The following LEKR1 variants were observed in gnomAD, a reference collection of about 807,000 sequenced individuals.
The protein encoded by LEKR1 is leucine, glutamate and lysine rich 1.
LEKR1 carries 59 observed loss-of-function variants against 72.4 expected under a neutral mutation model. The observed-to-expected ratio is 0.82, with a 90% CI of 0.66 to 1.01. The LOEUF is 1.01. LEKR1 is among the 50% of genes least tolerant of loss of function. The pLI, the probability that LEKR1 is intolerant of heterozygous loss-of-function variation, is 0.00. For synonymous variants in LEKR1, 257 were observed against 263.2 expected (o/e 0.98, Z 0.23); for missense variants, 728 against 759.2 (o/e 0.96, Z 0.48).
chr3:156,888,402 G>A (rs1720323338), intron 3 of LEKR1: 1 of 698,024 alleles, frequency 1.4e-6, no homozygotes, highest in Non-Finnish European at 2.6e-6. Flanking sequence ...ACATAGGTCT[G>A]TGATTTGTTT....
At chr3:156,892,848 T>C (rs1245360351) in intron 3 of LEKR1, among the ~76,000 whole-genome samples, 1 of 152,078 alleles carries the variant, frequency 6.6e-6, no homozygotes, top group Non-Finnish European at 1.5e-5. Flanking sequence ...CTGAGAGGAG[T>C]GAATTATGGC....
chr3:157,038,641 C>T (rs185795958), intron 12 of LEKR1, among the ~76,000 whole-genome samples: 8 of 152,034 alleles, frequency 5.3e-5, no homozygotes, highest in Admixed American at 3.9e-4. Context: ...GGAAGAAAAC[C>T]GGAAGAGAAC....
At chr3:156,900,366 C>T (rs930810602) in intron 3 of LEKR1, among the ~76,000 whole-genome samples, 5 of 152,272 alleles carry the variant, frequency 3.3e-5, no homozygotes, top group South Asian at 2.1e-4. Context: ...TTAGACTGCA[C>T]GTATTGTAAC....
At chr3:156,970,517 G>A (rs1413704433) in intron 6 of LEKR1, among the ~76,000 whole-genome samples, 4 of 152,082 alleles carry the variant, frequency 2.6e-5, no homozygotes, top group Non-Finnish European at 4.4e-5. Flanking sequence ...TAAGGTGTAA[G>A]GAAGGGATCT....
At chr3:156,900,159 G>T (rs985197241) in intron 3 of LEKR1, among the ~76,000 whole-genome samples, 5 of 152,150 alleles carry the variant, frequency 3.3e-5, no homozygotes, top group Non-Finnish European at 5.9e-5. Context: ...GATAGCAGCT[G>T]CTCCAGGAGA....
chr3:156,958,905 G>A (rs187746567), intron 6 of LEKR1, among the ~76,000 whole-genome samples: 1 of 151,962 alleles, frequency 6.6e-6, no homozygotes, highest in East Asian at 1.9e-4. Context: ...AAATCGTTTT[G>A]TTTGGCTTTA....
In LEKR1 at chr3:156,945,589, A is replaced by C. The variant is rs182075513; in HGVS notation, c.745+2875A>C. Among the ~76,000 whole-genome samples, 22 of 151,912 alleles carry C rather than the reference A, an allele frequency of 1.4e-4. No homozygotes were observed. The East Asian group carries it at 4.3e-3, about 29-fold the overall frequency. ...TAGTAGTTTCATAGTTTGAGGTCTT[A>C]GATTTAAATATTTAATCCATTGTGA... On this transcript the variant is annotated intron_variant, in intron 6 of 12. Transcript: ENST00000356539.
intron 9 of LEKR1, among the ~76,000 whole-genome samples, chr3:156,997,685 G>A (rs1234964605): frequency 6.6e-6 from 1 of 152,216 alleles, no homozygotes; most frequent in Non-Finnish European, 1.5e-5. Flanking sequence ...CCCCTCAGGA[G>A]AGCAGAGCCC....
intron 6 of LEKR1, among the ~76,000 whole-genome samples, chr3:156,963,870 A>G (rs1431335937): frequency 6.6e-6 from 1 of 152,182 alleles, no homozygotes; most frequent in Non-Finnish European, 1.5e-5. Context: ...AGGAGCACCA[A>G]AGCATATACA....
At chr3:156,943,621 A>G (rs1173791874) in intron 6 of LEKR1, among the ~76,000 whole-genome samples, 1 of 151,858 alleles carries the variant, frequency 6.6e-6, no homozygotes, top group Admixed American at 6.6e-5. Context: ...TCCGTGGCCC[A>G]GTGGGAAGGG....
At chr3:156,854,633 C>G (rs1482106018) in intron 3 of LEKR1, among the ~76,000 whole-genome samples, 1 of 151,410 alleles carries the variant, frequency 6.6e-6, no homozygotes, top group East Asian at 1.9e-4. Flanking sequence ...CTTGACCTTC[C>G]GGACTCAAGC....
At chr3:156,845,753 AG>A (rs1454744502) in intron 2 of LEKR1, among the ~76,000 whole-genome samples, 2 of 152,134 alleles carry the variant, frequency 1.3e-5, no homozygotes, top group Admixed American at 6.6e-5. Context: ...TCTTGAAATC[AG>A]GTAGTGATTC....
chr3:156,998,050 G>A (rs1159771326), intron 9 of LEKR1, among the ~76,000 whole-genome samples: 21 of 152,078 alleles, frequency 1.4e-4, no homozygotes, highest in Non-Finnish European at 2.8e-4. Context: ...GATGGAGAGG[G>A]ATGCAGCAAG....
chr3:156,870,518 T>G (rs968109219), intron 3 of LEKR1, among the ~76,000 whole-genome samples: 1 of 152,152 alleles, frequency 6.6e-6, no homozygotes, highest in Admixed American at 6.6e-5. Flanking sequence ...GAAACATTAC[T>G]GATTTTTGTA....
intron 3 of LEKR1, among the ~76,000 whole-genome samples, chr3:156,871,321 G>T (rs1349036116): frequency 1.3e-5 from 2 of 152,146 alleles, no homozygotes; most frequent in African/African-American, 4.8e-5. Flanking sequence ...ATTCCATAGT[G>T]TATATGTGCC....
chr3:156,841,841 T>C (rs995507547), intron 2 of LEKR1, among the ~76,000 whole-genome samples: 2 of 152,162 alleles, frequency 1.3e-5, no homozygotes, highest in African/African-American at 4.8e-5. Flanking sequence ...TGTTATTCTA[T>C]ACAGAATAAT....
intron 3 of LEKR1, among the ~76,000 whole-genome samples, chr3:156,892,419 T>G (rs1221922277): frequency 2.0e-5 from 3 of 152,156 alleles, no homozygotes; most frequent in African/African-American, 7.2e-5. Context: ...AGATTGAGTT[T>G]CTTAAAATGA....
At chr3:157,035,707 T>C (rs1436733768) in intron 12 of LEKR1, among the ~76,000 whole-genome samples, 4 of 152,130 alleles carry the variant, frequency 2.6e-5, no homozygotes, top group Non-Finnish European at 4.4e-5. Context: ...GGGACCAGCC[T>C]GGCCAACATG....
intron 3 of LEKR1, among the ~76,000 whole-genome samples, chr3:156,883,596 G>A (rs1192497342): frequency 6.6e-6 from 1 of 152,108 alleles, no homozygotes; most frequent in African/African-American, 2.4e-5. Flanking sequence ...TTGAATCATG[G>A]GGGTAGTTTC....
Sources: gnomAD v4.1 joint callset for allele counts (sites outside exome capture counted in the v4.1 genomes callset) on GRCh38, gnomAD v4.1.1 for gene constraint, MANE v1.5 for transcripts, NCBI Gene and HGNC (gene_info 2026-07-23, HGNC 2026-07-21) for gene names.